The following SARNP variants were observed in gnomAD, a reference collection of about 807,000 sequenced individuals.
SARNP encodes SAP domain-containing ribonucleoprotein.
In SARNP, 5 loss-of-function variants were observed where a neutral mutation model predicts 38.1. The ratio of observed to expected loss-of-function variants is 0.13; its 90% CI spans 0.07 to 0.28. The LOEUF (loss-of-function observed/expected upper bound fraction) is 0.28. Ranked by LOEUF, SARNP falls within the 10% of genes least tolerant of loss-of-function variation. The probability of loss-of-function intolerance (pLI) is 1.00; values close to 1 mark genes in which losing one functional copy is unlikely to be tolerated. For synonymous variants in SARNP, 84 were observed against 80.6 expected, an observed-to-expected ratio of 1.04 and a Z score of -0.23; for missense variants, 180 against 243.9, an observed-to-expected ratio of 0.74 and a Z score of 1.75.
chr12:55,773,500 T>G (rs1592561022), intron 9 of SARNP, among the ~76,000 whole-genome samples: 1 of 152,168 alleles, frequency 6.6e-6, no homozygotes, highest in East Asian at 1.9e-4. Context: ...CTTATTGCTC[T>G]CCTACAATTC....
intron 9 of SARNP, among the ~76,000 whole-genome samples, chr12:55,766,041 GTC>G (rs1344360069): frequency 1.3e-5 from 2 of 152,168 alleles, no homozygotes; most frequent in South Asian, 2.1e-4. Flanking sequence ...CAAAACTCAT[GTC>G]TCTCTGCATT....
intron 10 of SARNP, 113 bp from the exon 11 acceptor site, chr12:55,757,666 A>G: frequency 1.4e-6 from 1 of 720,800 alleles, no homozygotes; most frequent in Non-Finnish European, 2.3e-6. Context: ...AGAAGGAAGG[A>G]TGGCCCAGAC....
intron 1 of SARNP, among the ~76,000 whole-genome samples, chr12:55,805,065 C>G (rs1159188631): frequency 6.6e-6 from 1 of 150,648 alleles, no homozygotes; most frequent in Non-Finnish European, 1.5e-5. Context: ...AGATCGAGAC[C>G]ATCCTGGCTA....
intron 9 of SARNP, among the ~76,000 whole-genome samples, chr12:55,783,844 G>A (rs998166107): frequency 1.3e-5 from 2 of 152,016 alleles, no homozygotes; most frequent in African/African-American, 2.4e-5. Context: ...TGTAATCCCA[G>A]CACTTTGGGA....
intron 1 of SARNP, among the ~76,000 whole-genome samples, chr12:55,805,638 G>A (rs1316108225): frequency 6.6e-6 from 1 of 152,228 alleles, no homozygotes; most frequent in Non-Finnish European, 1.5e-5. Flanking sequence ...ACTGAAGTCA[G>A]GAGTTCAAGA....
intron 9 of SARNP, among the ~76,000 whole-genome samples, chr12:55,772,851 AT>A (rs760941674): frequency 1.0e-3 from 153 of 151,560 alleles, no homozygotes; most frequent in Non-Finnish European, 1.6e-3. Context: ...AGTAGCTGGG[AT>A]TACAGGCACG....
chr12:55,805,231 A>G (rs888205125), intron 1 of SARNP, among the ~76,000 whole-genome samples: 10 of 152,228 alleles, frequency 6.6e-5, no homozygotes, highest in Non-Finnish European at 1.2e-4. Context: ...ACTACACTCC[A>G]GCCTGGGCGA....
rs189253721 is a variant in SARNP, at chr12:55,789,770, C to A, written c.433-627G>T. Reference sequence around the variant, plus strand: ...ACCAGCCTGGCCAACATGGTGAAACCCCGTCTCTACTAAAAATACAAAAAT... The same window carrying A: ...ACCAGCCTGGCCAACATGGTGAAACACCGTCTCTACTAAAAATACAAAAAT... On this transcript the variant is annotated intron_variant, in intron 8 of 10. Coordinates refer to ENST00000336133, the MANE Select transcript of SARNP (RefSeq NM_033082.4). Among the ~76,000 whole-genome samples, 173 of 151,860 alleles carry A rather than the reference C, an allele frequency of 1.1e-3. 7 individuals carry two copies. Among genetic ancestry groups the A allele is most frequent in the Admixed American group, 7.4e-3 (113 of 15,230 alleles).
chr12:55,759,419 CTTT>C (rs781001667), intron 10 of SARNP, among the ~76,000 whole-genome samples: 7 of 140,936 alleles, frequency 5.0e-5, no homozygotes, highest in Non-Finnish European at 7.8e-5. Flanking sequence ...TTTTTCTTTT[CTTT>C]TTTTTTTTTT....
chr12:55,762,296 TCAAA>T (rs1461393838), intron 9 of SARNP, among the ~76,000 whole-genome samples: 2 of 150,718 alleles, frequency 1.3e-5, no homozygotes, highest in Non-Finnish European at 3.0e-5. Flanking sequence ...TCCAAAGAGT[TCAAA>T]CAAACTTTTT....
chr12:55,767,240 T>C (rs1179576880), intron 9 of SARNP, among the ~76,000 whole-genome samples: 2 of 152,134 alleles, frequency 1.3e-5, no homozygotes, highest in Non-Finnish European at 2.9e-5. Flanking sequence ...TTCATTCTTC[T>C]AGATAAGAAG....
chr12:55,776,708 T>C (rs1384855599), intron 9 of SARNP, among the ~76,000 whole-genome samples: 1 of 152,128 alleles, frequency 6.6e-6, no homozygotes, highest in Non-Finnish European at 1.5e-5. Context: ...TTGCTTCACT[T>C]AGAAAGGCCA....
In SARNP at chr12:55,758,519, C is replaced by T. The variant is rs149277292; in HGVS notation, c.592-966G>A. The stretch of plus-strand genomic sequence containing the variant: ...AATTAGCCGGGTGTGGTGGCACACG[C>T]CTGTAATCCCAGGTACTCAGGAGGC... On this transcript the variant is annotated intron_variant, in intron 10 of 10. Transcript: ENST00000336133. Among the ~76,000 whole-genome samples, 479 of 152,240 alleles carry T rather than the reference C, an allele frequency of 3.1e-3. 2 individuals are homozygous for T. Among genetic ancestry groups the T allele is most frequent in the African/African-American group, 0.011 (442 of 41,532 alleles).
chr12:55,799,976 G>A (rs945104265), intron 4 of SARNP, among the ~76,000 whole-genome samples: 3 of 151,828 alleles, frequency 2.0e-5, no homozygotes, highest in Non-Finnish European at 4.4e-5. Context: ...GATCATTTGA[G>A]GTCAGGAGTT....
intron 1 of SARNP, among the ~76,000 whole-genome samples, chr12:55,814,003 G>A (rs532325328): frequency 6.6e-6 from 1 of 152,284 alleles, no homozygotes; most frequent in Admixed American, 6.5e-5. Flanking sequence ...GTATGTAAAT[G>A]GCTTCAAACA....
At chr12:55,803,544 C>T in intron 2 of SARNP, 85 bp downstream of exon 2, 1 of 783,530 alleles carries the variant, frequency 1.3e-6, no homozygotes, top group South Asian at 1.8e-5. Context: ...TTGCTAATGA[C>T]CTGAAAAAAA....
At chr12:55,790,871 C>T (rs1300055941) in intron 7 of SARNP, among the ~76,000 whole-genome samples, 1 of 152,080 alleles carries the variant, frequency 6.6e-6, no homozygotes, top group African/African-American at 2.4e-5. Flanking sequence ...AAAATGAAAA[C>T]ATATAATTAC....
intron 9 of SARNP, among the ~76,000 whole-genome samples, chr12:55,772,340 A>G (rs1879031776): frequency 6.6e-6 from 1 of 152,168 alleles, no homozygotes; most frequent in East Asian, 1.9e-4. Flanking sequence ...TTACACGACA[A>G]TTAGAGAACA....
chr12:55,793,901 T>C (rs1879745897), intron 7 of SARNP: 1 of 165,376 alleles, frequency 6.0e-6, no homozygotes, highest in Non-Finnish European at 1.3e-5. Context: ...TATTGATCAC[T>C]ATAAATAATG....
Sources: gnomAD v4.1 joint callset for allele counts (sites outside exome capture counted in the v4.1 genomes callset) on GRCh38, gnomAD v4.1.1 for gene constraint, MANE v1.5 for transcripts, NCBI Gene and HGNC (gene_info 2026-07-23, HGNC 2026-07-21) for gene names.